Variants in MYRIP observed in about 807,000 individuals in gnomAD.
The protein encoded by MYRIP is rab effector MyRIP.
A neutral mutation model predicts 98.0 loss-of-function variants in MYRIP; 49 were observed. That is an observed-to-expected ratio of 0.50 (90% CI 0.40 to 0.63). MYRIP has a LOEUF of 0.63. Among genes scored for constraint, MYRIP ranks in the 30% least tolerant of loss-of-function variants. The probability of loss-of-function intolerance (pLI) is 0.00; values close to 1 mark genes in which losing one functional copy is unlikely to be tolerated. For missense variants in MYRIP, 1,004 were observed against 1,058.2 expected (o/e 0.95, Z 0.71); for synonymous variants, 404 against 409.5 (o/e 0.99, Z 0.16).
At chr3:39,908,943 G>A (rs1393020320) in intron 2 of MYRIP, among the ~76,000 whole-genome samples, 1 of 152,146 alleles carries the variant, frequency 6.6e-6, no homozygotes, top group African/African-American at 2.4e-5. Flanking sequence ...TTGATATTCT[G>A]TACTAACACT....
intron 1 of MYRIP, among the ~76,000 whole-genome samples, chr3:39,853,295 T>G (rs926280329): frequency 2.0e-5 from 3 of 152,248 alleles, no homozygotes; most frequent in African/African-American, 4.8e-5. Flanking sequence ...CCGGATCAAA[T>G]GGTAGTTTTG....
chr3:39,920,268 T>C (rs1944277372), intron 2 of MYRIP, among the ~76,000 whole-genome samples: 1 of 152,174 alleles, frequency 6.6e-6, no homozygotes, highest in East Asian at 1.9e-4. Context: ...TTATATCTGT[T>C]TAGTAAACTC....
At chr3:39,983,007 C>T (rs1217132017) in intron 2 of MYRIP, among the ~76,000 whole-genome samples, 1 of 152,138 alleles carries the variant, frequency 6.6e-6, no homozygotes, top group Admixed American at 6.5e-5. Flanking sequence ...AAGTGTTTAA[C>T]CAAAGATTAT....
chr3:40,192,309 C>CATATATATATGCCATATATATAT (rs1322376887), intron 10 of MYRIP, among the ~76,000 whole-genome samples: 1 of 57,952 alleles, frequency 1.7e-5, no homozygotes, highest in Non-Finnish European at 2.8e-5. Flanking sequence ...TAGTTTTCTT[C>CATATATATATGCCATATATATAT]ATATATATAT....
At chr3:39,898,636 C>T (rs1416903969) in intron 1 of MYRIP, among the ~76,000 whole-genome samples, 1 of 152,050 alleles carries the variant, frequency 6.6e-6, no homozygotes, top group Non-Finnish European at 1.5e-5. Flanking sequence ...TTGCCATTGT[C>T]TTAGACATAA....
At chr3:39,989,961 G>T (rs1255480777) in intron 2 of MYRIP, among the ~76,000 whole-genome samples, 1 of 152,198 alleles carries the variant, frequency 6.6e-6, no homozygotes, top group Non-Finnish European at 1.5e-5. Context: ...CCCAGTGTTG[G>T]CTGTCACCCG....
chr3:40,053,471 ATAGAT>A (rs1447671448), intron 3 of MYRIP, among the ~76,000 whole-genome samples: 1 of 152,178 alleles, frequency 6.6e-6, no homozygotes, highest in Non-Finnish European at 1.5e-5. Context: ...TTTAATATCA[ATAGAT>A]TAAAGAACAA....
At chr3:39,860,281 C>T (rs1056240629) in intron 1 of MYRIP, among the ~76,000 whole-genome samples, 1 of 152,186 alleles carries the variant, frequency 6.6e-6, no homozygotes, top group African/African-American at 2.4e-5. Flanking sequence ...GACCCCAAAA[C>T]CCCCATGAAC....
intron 2 of MYRIP, among the ~76,000 whole-genome samples, chr3:39,927,015 G>A (rs1287206233): frequency 1.3e-5 from 2 of 151,896 alleles, no homozygotes; most frequent in African/African-American, 4.8e-5. Context: ...CAGCAGGGTT[G>A]TGTAGTTCTC....
intron 3 of MYRIP, among the ~76,000 whole-genome samples, chr3:40,137,666 C>T (rs1004788610): frequency 9.9e-5 from 15 of 152,074 alleles, no homozygotes; most frequent in African/African-American, 3.1e-4. Context: ...TCCAGCAGCA[C>T]GTCAAAAAGC....
At chr3:40,087,660 A>G (rs1374900255) in intron 3 of MYRIP, among the ~76,000 whole-genome samples, 2 of 152,180 alleles carry the variant, frequency 1.3e-5, no homozygotes, top group Non-Finnish European at 2.9e-5. Context: ...CACTATGTAA[A>G]TACTACTACC....
At chr3:40,239,058 T>A in intron 12 of MYRIP, among the ~76,000 whole-genome samples, 1 of 88,200 alleles carries the variant, frequency 1.1e-5, no homozygotes, top group African/African-American at 4.4e-5. Flanking sequence ...CCCTCCCCCC[T>A]CCCCCCACCC....
At chr3:40,080,501 A>G (rs1476397799) in intron 3 of MYRIP, among the ~76,000 whole-genome samples, 5 of 151,988 alleles carry the variant, frequency 3.3e-5, no homozygotes, top group Admixed American at 2.6e-4. Context: ...ATAAAATTAG[A>G]TTAGTTGTTC....
chr3:39,873,895 T>C lies in MYRIP; in HGVS notation c.-30-26892T>C, dbSNP rs576072925. On this transcript the variant is annotated intron_variant, in intron 1 of 16. Coordinates refer to ENST00000302541, the MANE Select transcript of MYRIP (RefSeq NM_015460.4). ...GTGAAGAAAGGCATTGGTAGCTTGA[T>C]GGGAATGGCATTGAATCTGTAAATT... 7.9e-3 allele frequency among the ~76,000 whole-genome samples: 1,197 copies of C among 151,922 alleles called. 18 individuals are homozygous for C. The highest frequency in any genetic ancestry group is 0.028 in the African/African-American group (1,134 of 41,190).
chr3:39,833,787 G>A (rs1419387655), intron 1 of MYRIP, among the ~76,000 whole-genome samples: 1 of 152,310 alleles, frequency 6.6e-6, no homozygotes, highest in African/African-American at 2.4e-5. Flanking sequence ...TTTGGAGGCT[G>A]AGGCGGGTGG....
intron 2 of MYRIP, among the ~76,000 whole-genome samples, chr3:39,985,245 T>A (rs1197763501): frequency 2.0e-5 from 3 of 146,520 alleles, no homozygotes; most frequent in Admixed American, 1.4e-4. Context: ...GAATCCAACT[T>A]ACAAGGGACG....
intron 1 of MYRIP, among the ~76,000 whole-genome samples, chr3:39,869,108 A>C (rs1942709681): frequency 2.0e-5 from 3 of 152,318 alleles, no homozygotes; most frequent in Middle Eastern, 3.4e-3. Flanking sequence ...TTTTCATCAA[A>C]TTTGAGAAAT....
intron 3 of MYRIP, among the ~76,000 whole-genome samples, chr3:40,050,539 T>C (rs1575496313): frequency 1.3e-5 from 2 of 152,102 alleles, no homozygotes; most frequent in East Asian, 1.9e-4. Flanking sequence ...CTGATGAAAA[T>C]ATACAAGGAG....
At chr3:39,889,435 A>T (rs1943416920) in intron 1 of MYRIP, among the ~76,000 whole-genome samples, 1 of 152,214 alleles carries the variant, frequency 6.6e-6, no homozygotes, top group Admixed American at 6.5e-5. Flanking sequence ...AAGAACAAAA[A>T]ACCAAAGACC....
Sources: gnomAD v4.1 joint callset for allele counts (sites outside exome capture counted in the v4.1 genomes callset) on GRCh38, gnomAD v4.1.1 for gene constraint, MANE v1.5 for transcripts, NCBI Gene and HGNC (gene_info 2026-07-23, HGNC 2026-07-21) for gene names.